Variants in OR2L13 observed in about 807,000 individuals in gnomAD.
The protein encoded by OR2L13 is olfactory receptor 2L13.
A neutral mutation model predicts 15.3 loss-of-function variants in OR2L13; 14 were observed. The observed-to-expected ratio is 0.91, with a 90% CI of 0.60 to 1.43. The LOEUF (loss-of-function observed/expected upper bound fraction) is 1.43, where lower values mean the gene tolerates loss of function less well. Ranked by LOEUF, OR2L13 falls within the 40% of genes most tolerant of loss-of-function variation. The probability of loss-of-function intolerance (pLI) is 0.00; values close to 1 mark genes in which losing one functional copy is unlikely to be tolerated. For synonymous variants in OR2L13, 152 were observed against 142.9 expected, an observed-to-expected ratio of 1.06 and a Z score of -0.45; for missense variants, 367 against 387.9, an observed-to-expected ratio of 0.95 and a Z score of 0.45.
At chr1:248,036,532 TTGTG>T in the OR2L13 span, among the ~76,000 whole-genome samples, 8 of 151,912 alleles carry the variant, frequency 5.3e-5, no homozygotes, top group Non-Finnish European at 8.8e-5. Flanking sequence ...GTGTTCATCT[TTGTG>T]TGTGTGTGTA....
chr1:248,038,112 T>A, the OR2L13 span: 1 of 562,856 alleles, frequency 1.8e-6, no homozygotes, highest in Non-Finnish European at 3.2e-6. Context: ...TAATATGCAT[T>A]TATGGATATA....
chr1:248,078,072 A>T, the OR2L13 span, among the ~76,000 whole-genome samples: 10 of 152,252 alleles, frequency 6.6e-5, no homozygotes, highest in Non-Finnish European at 1.5e-4. Context: ...TATAATTAAA[A>T]TTAAATCTGT....
chr1:247,960,024 T>C, the OR2L13 span, among the ~76,000 whole-genome samples: 1 of 152,208 alleles, frequency 6.6e-6, no homozygotes, highest in Non-Finnish European at 1.5e-5. Context: ...CTCTGATTTT[T>C]AGAGTTTCCA....
chr1:248,064,220 G>T, the OR2L13 span, among the ~76,000 whole-genome samples: 1 of 152,170 alleles, frequency 6.6e-6, no homozygotes, highest in South Asian at 2.1e-4. Flanking sequence ...TTTGGGAAAT[G>T]ATTAGGTCAT....
chr1:248,059,493 G>C, the OR2L13 span, among the ~76,000 whole-genome samples: 2 of 152,168 alleles, frequency 1.3e-5, no homozygotes, highest in Non-Finnish European at 2.9e-5. Flanking sequence ...TAAGGCATCT[G>C]CTTTAACTAG....
the OR2L13 span, among the ~76,000 whole-genome samples, chr1:248,069,509 A>G: frequency 6.6e-6 from 1 of 152,202 alleles, no homozygotes; most frequent in Non-Finnish European, 1.5e-5. Flanking sequence ...GGTACTAGCC[A>G]CTGCAAAATC....
chr1:247,954,945 A>AAT, the OR2L13 span, among the ~76,000 whole-genome samples: 1,569 of 106,270 alleles, frequency 0.015, 33 homozygotes, highest in African/African-American at 0.04. Flanking sequence ...TCATTCATTC[A>AAT]ATATATATAT....
At chr1:247,961,811 G>A in the OR2L13 span, among the ~76,000 whole-genome samples, 1 of 152,106 alleles carries the variant, frequency 6.6e-6, no homozygotes, top group Non-Finnish European at 1.5e-5. Context: ...TGGATATTTG[G>A]TAGCTAGCAG....
the OR2L13 span, among the ~76,000 whole-genome samples, chr1:247,969,850 CT>C: frequency 1.3e-5 from 2 of 152,154 alleles, no homozygotes; most frequent in African/African-American, 2.4e-5. Flanking sequence ...CCATGGAATA[CT>C]AGGAACCTTC....
chr1:247,967,586 TG>T, the OR2L13 span, among the ~76,000 whole-genome samples: 4 of 152,198 alleles, frequency 2.6e-5, no homozygotes, highest in African/African-American at 9.6e-5. Flanking sequence ...ATACTATTGA[TG>T]TTTTTTAGTA....
the OR2L13 span, among the ~76,000 whole-genome samples, chr1:248,075,738 A>G: frequency 3.4e-4 from 51 of 152,102 alleles, no homozygotes; most frequent in Non-Finnish European, 3.2e-4. Flanking sequence ...AGTTCTTTGT[A>G]TATTCTGGAT....
At chr1:247,958,098 T>G in the OR2L13 span, among the ~76,000 whole-genome samples, 2 of 152,216 alleles carry the variant, frequency 1.3e-5, no homozygotes, top group East Asian at 1.9e-4. Context: ...AATTTCCCTC[T>G]ACATACTGCT....
At chr1:247,965,876 C>T in the OR2L13 span, 1 of 1,613,770 alleles carries the variant, frequency 6.2e-7, no homozygotes, top group East Asian at 2.2e-5. Flanking sequence ...TTTCAGCTTC[C>T]ATTCTGTAGG....
At chr1:247,958,395 G>T in the OR2L13 span, among the ~76,000 whole-genome samples, 1 of 152,134 alleles carries the variant, frequency 6.6e-6, no homozygotes, top group Admixed American at 6.5e-5. Flanking sequence ...GTGTGTTGTG[G>T]TGCTGAAAAA....
At chr1:247,988,226 A>C in the OR2L13 span, among the ~76,000 whole-genome samples, 1 of 151,518 alleles carries the variant, frequency 6.6e-6, no homozygotes, top group East Asian at 1.9e-4. Flanking sequence ...TGTTATATTA[A>C]TTTTCTAATA....
At chr1:248,021,326 T>C in the OR2L13 span, among the ~76,000 whole-genome samples, 8,192 of 152,242 alleles carry the variant, frequency 0.054, 697 homozygotes, top group African/African-American at 0.18. Flanking sequence ...ATCTAAGAGT[T>C]ATAAAGTTGT....
chr1:247,947,935 G>A, the OR2L13 span, among the ~76,000 whole-genome samples: 1 of 152,164 alleles, frequency 6.6e-6, no homozygotes, highest in Non-Finnish European at 1.5e-5. Context: ...AATAAACATG[G>A]GTTGGGTGGG....
the OR2L13 span, among the ~76,000 whole-genome samples, chr1:248,001,910 A>ACAG: frequency 3.3e-5 from 5 of 152,178 alleles, no homozygotes; most frequent in Admixed American, 3.3e-4. Context: ...TTTGTCTTAG[A>ACAG]CAGCCCTCTG....
At chr1:248,085,641 GA>G in the OR2L13 span, among the ~76,000 whole-genome samples, 5 of 151,844 alleles carry the variant, frequency 3.3e-5, no homozygotes, top group Non-Finnish European at 7.4e-5. Flanking sequence ...GAAAGCATGG[GA>G]AAAAAAGAAT....
Sources: gnomAD v4.1 joint callset for allele counts (sites outside exome capture counted in the v4.1 genomes callset) on GRCh38, gnomAD v4.1.1 for gene constraint, MANE v1.5 for transcripts, NCBI Gene and HGNC (gene_info 2026-07-23, HGNC 2026-07-21) for gene names.